The following CACNA1C variants were observed in gnomAD, a reference collection of about 807,000 sequenced individuals.
CACNA1C encodes calcium voltage-gated channel subunit alpha1 C.
In CACNA1C, 30 loss-of-function variants were observed where a neutral mutation model predicts 229.0. The ratio of observed to expected loss-of-function variants is 0.13; its 90% CI spans 0.10 to 0.18. The LOEUF is 0.18. Ranked by LOEUF, CACNA1C falls within the 10% of genes least tolerant of loss-of-function variation. CACNA1C has a pLI of 1.00. For missense variants in CACNA1C, 1,658 were observed against 2,845.0 expected, an observed-to-expected ratio of 0.58 and a Z score of 9.49; for synonymous variants, 1,114 against 1,132.5, an observed-to-expected ratio of 0.98 and a Z score of 0.33.
intron 30 of CACNA1C, 41 bp downstream of exon 30, chr12:2,634,421 C>G: frequency 2.9e-6 from 3 of 1,018,266 alleles, no homozygotes; most frequent in East Asian, 2.7e-5. Context: ...CGTGCCTGCT[C>G]TAACACTCAT....
chr12:2,050,969 A>C (rs1016577584), upstream of CACNA1C, among the ~76,000 whole-genome samples: 5 of 152,356 alleles, frequency 3.3e-5, no homozygotes, highest in African/African-American at 1.2e-4. Context: ...CTGGTGAACA[A>C]AATAGATGAG....
At chr12:2,347,283 G>A (rs2097069870) in intron 3 of CACNA1C, among the ~76,000 whole-genome samples, 1 of 152,234 alleles carries the variant, frequency 6.6e-6, no homozygotes, top group Non-Finnish European at 1.5e-5. Context: ...TAAGTGAGAT[G>A]TACCAGCACC....
chr12:2,037,732 T>C (rs1440837441), intron 1 of CACNA1C, among the ~76,000 whole-genome samples: 2 of 152,220 alleles, frequency 1.3e-5, no homozygotes, highest in Non-Finnish European at 2.9e-5. Flanking sequence ...GTGCCTTCTA[T>C]ATAACCCTCA....
intron 3 of CACNA1C, among the ~76,000 whole-genome samples, chr12:2,423,081 C>T (rs2098994598): frequency 6.6e-6 from 1 of 152,178 alleles, no homozygotes; most frequent in African/African-American, 2.4e-5. Context: ...CCACTCCCTC[C>T]ATCTAGTGGG....
At chr12:2,540,062 A>G (rs982003468) in intron 9 of CACNA1C, among the ~76,000 whole-genome samples, 1 of 152,164 alleles carries the variant, frequency 6.6e-6, no homozygotes, top group African/African-American at 2.4e-5. Flanking sequence ...GCCAGTCTAC[A>G]CCAACCCTGT....
At chr12:2,115,688 G>C (rs1423279400) in intron 2 of CACNA1C, 143 bp downstream of exon 2, 2 of 741,606 alleles carry the variant, frequency 2.7e-6, no homozygotes, top group Non-Finnish European at 4.4e-6. Context: ...CATCACTGGG[G>C]TGCTGTGAAA....
rs75017325 is a variant in CACNA1C at position 2,068,398 on chromosome 12, G to A, written c.49+14787G>A. Among the ~76,000 whole-genome samples, 1,509 of 152,300 alleles carry A rather than the reference G, an allele frequency of 9.9e-3. 24 individuals are homozygous for A. The highest frequency in any genetic ancestry group is 0.03 in the African/African-American group (1,253 of 41,566). On this transcript the variant is annotated intron_variant, in intron 1 of 46. Coordinates refer to ENST00000399655, the MANE Select transcript of CACNA1C (RefSeq NM_000719.7). ...CTTTCCCGGAGGCAGGCAGAGAGGC[G>A]GTGGCTGCAAAGACCTAGTGTCTCT...
chr12:2,454,383 C>T (rs1316920551), intron 4 of CACNA1C, among the ~76,000 whole-genome samples: 4 of 152,162 alleles, frequency 2.6e-5, no homozygotes, highest in African/African-American at 9.7e-5. Flanking sequence ...ACCAGCACCA[C>T]CGTCTTTCCG....
chr12:2,383,803 G>T (rs898645871), intron 3 of CACNA1C, among the ~76,000 whole-genome samples: 4 of 152,202 alleles, frequency 2.6e-5, no homozygotes, highest in African/African-American at 9.7e-5. Context: ...CTGCAGAATG[G>T]GCCAGAGGGC....
intron 1 of CACNA1C, among the ~76,000 whole-genome samples, chr12:2,105,575 G>A (rs1438402198): frequency 2.6e-5 from 4 of 151,022 alleles, no homozygotes; most frequent in African/African-American, 9.9e-5. Flanking sequence ...ACCACTGGGC[G>A]CCCACCCCGG....
At chr12:2,643,249 A>G (rs2093941005) in intron 30 of CACNA1C, among the ~76,000 whole-genome samples, 1 of 152,172 alleles carries the variant, frequency 6.6e-6, no homozygotes, top group Non-Finnish European at 1.5e-5. Context: ...TGGGTTTCCG[A>G]CCTGGGGGTG....
chr12:2,572,703 T>TTCC (rs1338709554), intron 13 of CACNA1C, among the ~76,000 whole-genome samples: 1 of 34,622 alleles, frequency 2.9e-5, no homozygotes, highest in Admixed American at 3.3e-4. Context: ...CCTTCTCCTC[T>TTCC]TCCTCCTCCT....
chr12:2,228,233 C>G (rs2063608574), intron 3 of CACNA1C, among the ~76,000 whole-genome samples: 1 of 152,174 alleles, frequency 6.6e-6, no homozygotes, highest in Non-Finnish European at 1.5e-5. Flanking sequence ...TCAAAGTGGG[C>G]TTTTCAACCA....
At chr12:2,371,903 A>C (rs905925756) in intron 3 of CACNA1C, among the ~76,000 whole-genome samples, 5 of 152,110 alleles carry the variant, frequency 3.3e-5, no homozygotes, top group Non-Finnish European at 7.4e-5. Flanking sequence ...AGGGGAGCGG[A>C]TGCTGCAATT....
intron 3 of CACNA1C, among the ~76,000 whole-genome samples, chr12:2,214,588 G>A (rs913751041): frequency 2.6e-5 from 4 of 151,266 alleles, no homozygotes; most frequent in African/African-American, 7.3e-5. Context: ...AAGCCTAGGC[G>A]TGCCCTGAGT....
Position 2,633,527 on chromosome 12 carries a change from C to A in CACNA1C, c.3829-770C>A, listed in dbSNP as rs2091488314. The A allele has an allele frequency of 1.3e-6, 1 of 773,754 alleles. No individual in the cohort carries two copies. 47.9% of individuals were successfully genotyped at this position (773,754 alleles called of 1,614,324 possible). A position where few individuals can be genotyped will look rare whatever the true frequency, so the allele number is the denominator to read the frequency against. On this transcript the variant is annotated intron_variant, in intron 29 of 46. Coordinates refer to ENST00000399655, the MANE Select transcript of CACNA1C (RefSeq NM_000719.7). This position sits in a 1 kb window ranked among gnomAD's most constrained non-coding sequence, Gnocchi z 5.8. ...AGGGCGTCCGGAACTCCAGAGGCAA[C>A]ACGGAGGTGCCTGGACGATGATTCT...
At chr12:2,289,254 T>A (rs2093162378) in intron 3 of CACNA1C, among the ~76,000 whole-genome samples, 2 of 152,102 alleles carry the variant, frequency 1.3e-5, no homozygotes, top group Non-Finnish European at 2.9e-5. Flanking sequence ...AAAGAGCCCA[T>A]GGCCCAGCAG....
chr12:2,539,248 A>G (rs987021702), intron 9 of CACNA1C, among the ~76,000 whole-genome samples: 7 of 148,210 alleles, frequency 4.7e-5, no homozygotes. Context: ...TAAGGACTTA[A>G]GGAGGGCTTC....
At chr12:2,189,777 G>T (rs936082982) in intron 3 of CACNA1C, among the ~76,000 whole-genome samples, 3 of 151,040 alleles carry the variant, frequency 2.0e-5, no homozygotes, top group African/African-American at 4.9e-5. Flanking sequence ...CTCATTAAGG[G>T]CTCTTACAAC....
Sources: gnomAD v4.1 joint callset for allele counts (sites outside exome capture counted in the v4.1 genomes callset) on GRCh38, gnomAD v4.1.1 for gene constraint, Gnocchi (gnomAD v3.1) non-coding constraint, MANE v1.5 for transcripts, NCBI Gene and HGNC (gene_info 2026-07-23, HGNC 2026-07-21) for gene names.